The following EXOC6 variants were observed in gnomAD, a reference collection of about 807,000 sequenced individuals.
EXOC6 encodes the protein exocyst complex component 6, also known as SEC15-like 1.
In EXOC6, 60 loss-of-function variants were observed where a neutral mutation model predicts 112.5. The ratio of observed to expected loss-of-function variants is 0.53; its 90% CI spans 0.43 to 0.66. The LOEUF (loss-of-function observed/expected upper bound fraction) is 0.66, where lower values mean the gene tolerates loss of function less well. Ranked by LOEUF, EXOC6 falls within the 30% of genes least tolerant of loss-of-function variation. The pLI is 0.00. For missense variants in EXOC6, 855 were observed against 957.1 expected (o/e 0.89, Z 1.41); for synonymous variants, 295 against 308.0 (o/e 0.96, Z 0.44).
intron 1 of EXOC6, among the ~76,000 whole-genome samples, chr10:92,827,808 G>T (rs887883176): frequency 6.6e-6 from 1 of 152,062 alleles, no homozygotes; most frequent in Non-Finnish European, 1.5e-5. Context: ...TTGGACTTTT[G>T]CTCATCTTAC....
At chr10:93,049,582 T>G (rs900109344) in intron 20 of EXOC6, among the ~76,000 whole-genome samples, 5 of 152,136 alleles carry the variant, frequency 3.3e-5, no homozygotes, top group Admixed American at 3.3e-4. Context: ...TTTGTTTTGT[T>G]TTGTGTTGTT....
At chr10:92,999,001 A>C (rs1340966809) in intron 19 of EXOC6, among the ~76,000 whole-genome samples, 1 of 151,968 alleles carries the variant, frequency 6.6e-6, no homozygotes, top group Non-Finnish European at 1.5e-5. Context: ...CCTCCCAAGT[A>C]GCTGGAACTA....
chr10:93,014,776 C>A (rs961358202), intron 20 of EXOC6, among the ~76,000 whole-genome samples: 1 of 152,086 alleles, frequency 6.6e-6, no homozygotes, highest in Admixed American at 6.6e-5. Flanking sequence ...GAGACATTTA[C>A]ACAATTCTTT....
chr10:93,024,917 C>A (rs764060559), intron 20 of EXOC6, among the ~76,000 whole-genome samples: 10 of 151,818 alleles, frequency 6.6e-5, no homozygotes, highest in Admixed American at 1.3e-4. Context: ...TCTTTTTTTC[C>A]TGGAAAGCCC....
chr10:92,954,707 A>C lies in EXOC6; in HGVS notation c.1604A>C (p.Asn535Thr). Residue 535 changes from asparagine (N) to threonine (T), a missense_variant, in exon 16 of 22, where the codon AAC (asparagine) becomes ACC (threonine). Transcript: ENST00000260762. ...LTRTLSSCLLNLIRKPHIGLT... is the reference protein window; with the variant it reads ...LTRTLSSCLLTLIRKPHIGLT... ...AGAACTTTGAGTAGCTGTTTACTGAACCTTATTAGAAAACCTCATATAGGT... is the reference window on the plus strand; with the variant it reads ...AGAACTTTGAGTAGCTGTTTACTGACCCTTATTAGAAAACCTCATATAGGT... The C allele has an allele frequency of 1.2e-6, 2 of 1,601,216 alleles. No homozygotes were observed. Among genetic ancestry groups the C allele is most frequent in the Non-Finnish European group, 1.7e-6 (2 of 1,169,634 alleles).
At chr10:92,944,224 C>T (rs1347675168) in intron 13 of EXOC6, among the ~76,000 whole-genome samples, 1 of 150,412 alleles carries the variant, frequency 6.6e-6, no homozygotes, top group African/African-American at 2.4e-5. Flanking sequence ...AGATACCGAT[C>T]TTTTTTTTTT....
At chr10:92,958,987 G>A (rs1025230756) in intron 17 of EXOC6, among the ~76,000 whole-genome samples, 18 of 151,988 alleles carry the variant, frequency 1.2e-4, no homozygotes, top group Non-Finnish European at 2.2e-4. Context: ...CCAGCTACTC[G>A]GGAGGCTGAG....
intron 18 of EXOC6, among the ~76,000 whole-genome samples, chr10:92,974,573 G>A (rs1412755257): frequency 6.6e-6 from 1 of 150,966 alleles, no homozygotes; most frequent in African/African-American, 2.5e-5. Flanking sequence ...CTCTCCCCAC[G>A]GTCTCCCTCT....
chr10:92,992,637 C>A (rs2134161631), intron 18 of EXOC6, among the ~76,000 whole-genome samples: 1 of 152,074 alleles, frequency 6.6e-6, no homozygotes, highest in African/African-American at 2.4e-5. Context: ...GGAAGAGTAA[C>A]AGATTTCTTG....
At chr10:92,985,349 A>G (rs1264376319) in intron 18 of EXOC6, among the ~76,000 whole-genome samples, 1 of 151,912 alleles carries the variant, frequency 6.6e-6, no homozygotes, top group Non-Finnish European at 1.5e-5. Context: ...CTACTGTACT[A>G]CTTCTCTGTT....
chr10:93,019,223 AC>A, intron 20 of EXOC6, among the ~76,000 whole-genome samples: 1 of 152,020 alleles, frequency 6.6e-6, no homozygotes, highest in Non-Finnish European at 1.5e-5. Flanking sequence ...CAAGCAATCC[AC>A]CCGCCTCGGC....
At chr10:93,007,367 C>T (rs1434936016) in intron 19 of EXOC6, among the ~76,000 whole-genome samples, 1 of 151,950 alleles carries the variant, frequency 6.6e-6, no homozygotes, top group Non-Finnish European at 1.5e-5. Flanking sequence ...TCATAGATTG[C>T]CGGCTGGGCG....
At chr10:92,999,378 T>C in intron 19 of EXOC6, 1 of 337,566 alleles carries the variant, frequency 3.0e-6, no homozygotes, top group Middle Eastern at 4.0e-4. Flanking sequence ...TATAAGCTTT[T>C]AAGCTGAAAG....
chr10:93,023,419 T>C (rs1844877191), intron 20 of EXOC6, among the ~76,000 whole-genome samples: 1 of 152,254 alleles, frequency 6.6e-6, no homozygotes, highest in African/African-American at 2.4e-5. Flanking sequence ...GAAAAGACTT[T>C]ATCATCCTGC....
intron 1 of EXOC6, among the ~76,000 whole-genome samples, chr10:92,850,803 G>A (rs1847288120): frequency 6.6e-6 from 1 of 152,092 alleles, no homozygotes; most frequent in South Asian, 2.1e-4. Context: ...TAGCTGGCCT[G>A]TAGACTTATC....
intron 1 of EXOC6, among the ~76,000 whole-genome samples, chr10:92,854,520 A>G (rs957194829): frequency 3.3e-5 from 5 of 152,014 alleles, no homozygotes; most frequent in Non-Finnish European, 7.3e-5. Flanking sequence ...TGGGAATTCC[A>G]TAAATGCTGT....
At chr10:92,871,498 CA>C (rs75179832) in intron 1 of EXOC6, among the ~76,000 whole-genome samples, 1,914 of 67,124 alleles carry the variant, frequency 0.029, 21 homozygotes, top group African/African-American at 0.076. Flanking sequence ...GACCCTGTCT[CA>C]AAAAAAAAAA....
At chr10:92,932,645 G>A (rs983623178) in intron 9 of EXOC6, among the ~76,000 whole-genome samples, 3 of 152,114 alleles carry the variant, frequency 2.0e-5, no homozygotes, top group African/African-American at 4.8e-5. Flanking sequence ...AGCAGAGTTG[G>A]CCACTAAGAC....
At chr10:92,921,149 CTT>C (rs772207191) in intron 8 of EXOC6, among the ~76,000 whole-genome samples, 2 of 151,174 alleles carry the variant, frequency 1.3e-5, no homozygotes, top group African/African-American at 2.4e-5. Flanking sequence ...TTTAACATGT[CTT>C]ATATCTTTTT....
Sources: allele counts gnomAD v4.1 joint callset (sites outside exome capture counted in the v4.1 genomes callset), GRCh38; gene constraint gnomAD v4.1.1; transcripts MANE v1.5; gene names NCBI Gene and HGNC (gene_info 2026-07-23, HGNC 2026-07-21).